The following SPAG16 variants were observed in gnomAD, a reference collection of about 807,000 sequenced individuals.
The protein encoded by SPAG16 is sperm-associated antigen 16 protein.
SPAG16 carries 86 observed loss-of-function variants against 80.4 expected under a neutral mutation model. The observed-to-expected ratio is 1.07, with a 90% confidence interval of 0.90 to 1.28. The LOEUF (loss-of-function observed/expected upper bound fraction) is 1.28, where lower values mean the gene tolerates loss of function less well. Ranked by LOEUF, SPAG16 falls within the 50% of genes most tolerant of loss-of-function variation. SPAG16 has a pLI of 0.00. For missense variants in SPAG16, 870 were observed against 765.3 expected (o/e 1.14, Z -1.61); for synonymous variants, 294 against 265.9 (o/e 1.11, Z -1.03).
At chr2:214,098,160 G>A (rs2052735002) in intron 13 of SPAG16, among the ~76,000 whole-genome samples, 2 of 152,120 alleles carry the variant, frequency 1.3e-5, no homozygotes, top group South Asian at 4.1e-4. Flanking sequence ...ATATATTCAT[G>A]CAATATAGGT....
At chr2:213,330,216 C>T (rs114090458) in intron 5 of SPAG16, among the ~76,000 whole-genome samples, 8,448 of 151,608 alleles carry the variant, frequency 0.056, 376 homozygotes, top group South Asian at 0.089. Context: ...GGCCACTATC[C>T]GTTATACCCC....
In SPAG16 at chr2:214,013,642, C is replaced by T. The variant is rs183048481; in HGVS notation, c.1401-309C>T. On this transcript the variant is annotated intron_variant, in intron 12 of 15. Transcript: ENST00000331683. ...TAGTGCAAAATTTTTTAAACATATTCCTCTATTATGTGGGGATAATTTTTA... is the reference window on the plus strand; with the variant it reads ...TAGTGCAAAATTTTTTAAACATATTTCTCTATTATGTGGGGATAATTTTTA... Among the ~76,000 whole-genome samples the T allele has an allele frequency of 2.6e-4, 40 of 152,106 alleles. No homozygotes were observed. In the East Asian group the frequency reaches 5.0e-3, roughly 19 times the overall value.
chr2:214,267,793 G>GA (rs530520949), intron 15 of SPAG16, among the ~76,000 whole-genome samples: 3 of 151,412 alleles, frequency 2.0e-5, no homozygotes, highest in South Asian at 2.1e-4. Context: ...CACAGAAATA[G>GA]AAAAAAAATC....
chr2:213,641,731 G>C (rs543114588), intron 10 of SPAG16, among the ~76,000 whole-genome samples: 37 of 152,232 alleles, frequency 2.4e-4, no homozygotes, highest in African/African-American at 8.9e-4. Context: ...TCATTTTCCT[G>C]AGTGTATTAG....
intron 14 of SPAG16, among the ~76,000 whole-genome samples, chr2:214,140,176 A>C (rs998522933): frequency 1.3e-5 from 2 of 151,768 alleles, no homozygotes; most frequent in African/African-American, 4.8e-5. Context: ...ATCTCTTTAA[A>C]TATTTTGGCA....
intron 10 of SPAG16, among the ~76,000 whole-genome samples, chr2:213,545,282 G>C (rs187444784): frequency 1.3e-5 from 2 of 152,012 alleles, no homozygotes; most frequent in Non-Finnish European, 2.9e-5. Flanking sequence ...ATCTGTTAAG[G>C]TCTTTGGCCC....
intron 15 of SPAG16, among the ~76,000 whole-genome samples, chr2:214,335,174 C>T (rs1405358431): frequency 6.6e-6 from 1 of 152,158 alleles, no homozygotes; most frequent in African/African-American, 2.4e-5. Context: ...CCTGTACCCT[C>T]ATATGAACCA....
rs2060968034 is a variant in SPAG16 at position 213,598,892 on chromosome 2, CTG to C, written c.1070+108805_1070+108806del. Among the ~76,000 whole-genome samples the C allele has an allele frequency of 2.6e-5, 4 of 152,120 alleles. No homozygotes were observed. In the South Asian group the frequency reaches 8.3e-4, roughly 31 times the overall value. ...ATAGGCTTCAGTGGGAAAACAAACT[CTG>C]TGGACAACCTAGTTACTTATTGCCT... On this transcript the variant is annotated intron_variant, in intron 10 of 15. Coordinates refer to ENST00000331683, the MANE Select transcript of SPAG16 (RefSeq NM_024532.5).
At chr2:213,874,541 A>T (rs1041639253) in intron 11 of SPAG16, among the ~76,000 whole-genome samples, 2 of 152,276 alleles carry the variant, frequency 1.3e-5, no homozygotes, top group Admixed American at 1.3e-4. Context: ...GGGCATAATA[A>T]TATGTAATAT....
intron 13 of SPAG16, among the ~76,000 whole-genome samples, chr2:214,093,364 A>T (rs1224161850): frequency 6.6e-6 from 1 of 151,612 alleles, no homozygotes; most frequent in African/African-American, 2.4e-5. Context: ...TAATGCTTGT[A>T]TTTTCTTATT....
intron 10 of SPAG16, among the ~76,000 whole-genome samples, chr2:213,699,115 C>A (rs1248783861): frequency 1.3e-5 from 2 of 152,110 alleles, no homozygotes; most frequent in Admixed American, 1.3e-4. Flanking sequence ...ATGTTCACAG[C>A]CCACCATTGC....
intron 15 of SPAG16, among the ~76,000 whole-genome samples, chr2:214,382,322 ATAACT>A (rs1038031948): frequency 1.3e-5 from 2 of 152,372 alleles, no homozygotes; most frequent in African/African-American, 4.8e-5. Context: ...TTTTGTTAAC[ATAACT>A]TCACTGTGAA....
At chr2:213,408,972 TAGAC>T (rs2068811804) in intron 9 of SPAG16, among the ~76,000 whole-genome samples, 1 of 152,084 alleles carries the variant, frequency 6.6e-6, no homozygotes, top group Admixed American at 6.5e-5. Flanking sequence ...CTTGTGGCCT[TAGAC>T]AGTCTAGTCC....
chr2:213,400,117 A>G (rs1178867600), intron 9 of SPAG16, among the ~76,000 whole-genome samples: 1 of 151,960 alleles, frequency 6.6e-6, no homozygotes, highest in African/African-American at 2.4e-5. Context: ...TTTGGATTTT[A>G]TAATCATTAT....
chr2:213,756,846 C>T (rs2068366573), intron 10 of SPAG16, among the ~76,000 whole-genome samples: 1 of 152,042 alleles, frequency 6.6e-6, no homozygotes, highest in African/African-American at 2.4e-5. Flanking sequence ...CAGCTAATAT[C>T]TCAATGATGG....
chr2:213,382,972 A>G (rs533230901), intron 9 of SPAG16, among the ~76,000 whole-genome samples: 1 of 152,298 alleles, frequency 6.6e-6, no homozygotes, highest in Non-Finnish European at 1.5e-5. Context: ...CATTCACCAA[A>G]TCAGTAGCCT....
chr2:213,356,385 A>C (rs1027110383), intron 7 of SPAG16, among the ~76,000 whole-genome samples: 1 of 151,948 alleles, frequency 6.6e-6, no homozygotes, highest in Non-Finnish European at 1.5e-5. Context: ...CTTGGACTTT[A>C]TTTGGTTGGT....
chr2:213,496,171 G>C (rs1392874206), intron 10 of SPAG16, among the ~76,000 whole-genome samples: 1 of 152,138 alleles, frequency 6.6e-6, no homozygotes, highest in African/African-American at 2.4e-5. Flanking sequence ...AAAAGTATAA[G>C]GTTTCCTGGA....
At chr2:214,079,141 A>G (rs1433347974) in intron 13 of SPAG16, among the ~76,000 whole-genome samples, 2 of 152,202 alleles carry the variant, frequency 1.3e-5, no homozygotes, top group East Asian at 1.9e-4. Flanking sequence ...CAAGATAGAA[A>G]GACATGACAT....
Sources: gnomAD v4.1 joint callset for allele counts (sites outside exome capture counted in the v4.1 genomes callset) on GRCh38, gnomAD v4.1.1 for gene constraint, MANE v1.5 for transcripts, NCBI Gene and HGNC (gene_info 2026-07-23, HGNC 2026-07-21) for gene names.